Variants in SAMD5 observed in about 807,000 individuals in gnomAD.
The protein encoded by SAMD5 is sterile alpha motif domain containing 5.
In SAMD5, 13 loss-of-function variants were observed where a neutral mutation model predicts 11.3. That is an observed-to-expected ratio of 1.15 (90% CI 0.75 to 1.83). The LOEUF (loss-of-function observed/expected upper bound fraction) is 1.83. SAMD5 is among the 40% of genes most tolerant of loss of function. The pLI, the probability that SAMD5 is intolerant of heterozygous loss-of-function variation, is 0.00. For missense variants in SAMD5, 255 were observed against 239.1 expected (o/e 1.07, Z -0.44); for synonymous variants, 129 against 111.3 (o/e 1.16, Z -1.00).
At chr6:147,515,194 T>G (rs991980473) in intron 1 of SAMD5, among the ~76,000 whole-genome samples, 5 of 141,940 alleles carry the variant, frequency 3.5e-5, no homozygotes, top group Non-Finnish European at 6.1e-5. Context: ...TTTTTTTTTT[T>G]TTTTTTTTTT....
At chr6:147,688,417 T>C (rs1028637617) in intron 1 of SAMD5, among the ~76,000 whole-genome samples, 16 of 152,240 alleles carry the variant, frequency 1.1e-4, no homozygotes, top group Non-Finnish European at 1.8e-4. Flanking sequence ...AAAATAGGCA[T>C]ACTTTTATTT....
the SAMD5 span, among the ~76,000 whole-genome samples, chr6:147,814,736 C>G: frequency 6.6e-6 from 1 of 152,130 alleles, no homozygotes; most frequent in East Asian, 1.9e-4. Flanking sequence ...AATTTGCATG[C>G]CTAAAATGAT....
chr6:147,587,350 A>G (rs1026185769), intron 1 of SAMD5, among the ~76,000 whole-genome samples: 5 of 151,928 alleles, frequency 3.3e-5, no homozygotes, highest in African/African-American at 1.2e-4. Context: ...TGGTTCTCCT[A>G]TCTCAGCCTC....
intron 1 of SAMD5, among the ~76,000 whole-genome samples, chr6:147,540,780 G>T (rs1053265559): frequency 1.3e-5 from 2 of 151,828 alleles, no homozygotes; most frequent in African/African-American, 2.4e-5. Flanking sequence ...AGAGAGAGGG[G>T]GGGGGTCCAG....
At chr6:147,599,606 T>C (rs115140925) in intron 1 of SAMD5, among the ~76,000 whole-genome samples, 2,873 of 152,262 alleles carry the variant, frequency 0.019, 83 homozygotes, top group African/African-American at 0.066. Flanking sequence ...GTGGTCTCCT[T>C]TGAGGCCTCA....
At chr6:147,691,612 A>G (rs1317612677) in intron 1 of SAMD5, among the ~76,000 whole-genome samples, 2 of 152,218 alleles carry the variant, frequency 1.3e-5, no homozygotes, top group South Asian at 2.1e-4. Context: ...TCATTACTCA[A>G]TCTTGCAACT....
intron 1 of SAMD5, among the ~76,000 whole-genome samples, chr6:147,643,355 C>A (rs1387498225): frequency 2.0e-5 from 3 of 151,738 alleles, no homozygotes; most frequent in East Asian, 1.9e-4. Context: ...TAGATTTTTT[C>A]CCCTTAATTG....
At chr6:147,605,175 T>C (rs1397548064) in intron 1 of SAMD5, among the ~76,000 whole-genome samples, 1 of 152,166 alleles carries the variant, frequency 6.6e-6, no homozygotes, top group African/African-American at 2.4e-5. Context: ...CTGGAGTGCA[T>C]GATCATATCT....
intron 1 of SAMD5, among the ~76,000 whole-genome samples, chr6:147,563,387 A>G (rs1297640632): frequency 6.6e-6 from 1 of 152,248 alleles, no homozygotes; most frequent in African/African-American, 2.4e-5. Flanking sequence ...TTGCAGAGAT[A>G]GAGACTAGGA....
At chr6:147,732,791 A>G (rs1349801676) in intron 1 of SAMD5, among the ~76,000 whole-genome samples, 1 of 152,228 alleles carries the variant, frequency 6.6e-6, no homozygotes, top group East Asian at 1.9e-4. Context: ...GCCATTATCC[A>G]ACAGAATCAG....
At chr6:147,761,263 A>G in the SAMD5 span, among the ~76,000 whole-genome samples, 286 of 152,250 alleles carry the variant, frequency 1.9e-3, 2 homozygotes, top group African/African-American at 6.4e-3. Context: ...CAAGGCCTAC[A>G]AGCTACTATT....
intron 1 of SAMD5, among the ~76,000 whole-genome samples, chr6:147,610,105 A>C (rs571573609): frequency 1.3e-5 from 2 of 152,154 alleles, no homozygotes; most frequent in African/African-American, 4.8e-5. Flanking sequence ...CACTTATGAG[A>C]TACTTTCCAT....
intron 1 of SAMD5, among the ~76,000 whole-genome samples, chr6:147,615,941 A>G (rs1222898673): frequency 1.3e-5 from 2 of 152,062 alleles, no homozygotes; most frequent in Non-Finnish European, 2.9e-5. Context: ...GATAAAACAA[A>G]ATGCTGCAGA....
the SAMD5 span, among the ~76,000 whole-genome samples, chr6:147,820,304 A>C: frequency 6.6e-6 from 1 of 152,322 alleles, no homozygotes; most frequent in East Asian, 1.9e-4. Flanking sequence ...CCAAACGTTA[A>C]AAAGAATTTA....
the SAMD5 span, among the ~76,000 whole-genome samples, chr6:147,913,535 A>AAAG: frequency 3.9e-5 from 6 of 152,108 alleles, no homozygotes; most frequent in African/African-American, 1.4e-4. Context: ...GTCTCTACTA[A>AAAG]AAGTATGAAA....
At chr6:147,550,511 A>G (rs532613819) in intron 1 of SAMD5, among the ~76,000 whole-genome samples, 1 of 152,254 alleles carries the variant, frequency 6.6e-6, no homozygotes, top group Non-Finnish European at 1.5e-5. Flanking sequence ...CTAAGTATCC[A>G]TCAATGGATG....
At chr6:147,542,871 TTAAACTA>T (rs1276482202) in intron 1 of SAMD5, among the ~76,000 whole-genome samples, 17 of 152,206 alleles carry the variant, frequency 1.1e-4, no homozygotes, top group Non-Finnish European at 2.2e-4. Flanking sequence ...CTGTCTTTGT[TTAAACTA>T]TAAACTATAA....
the SAMD5 span, among the ~76,000 whole-genome samples, chr6:147,764,954 A>C: frequency 5.3e-5 from 8 of 152,006 alleles, no homozygotes; most frequent in East Asian, 3.9e-4. Context: ...GTTTTCACAG[A>C]ATAATAACAT....
chr6:147,683,387 A>T (rs986095528), intron 1 of SAMD5, among the ~76,000 whole-genome samples: 8 of 152,182 alleles, frequency 5.3e-5, no homozygotes, highest in African/African-American at 1.9e-4. Context: ...CTCTAAAGAG[A>T]TCTCTGTCTA....
Sources: allele counts gnomAD v4.1 joint callset (sites outside exome capture counted in the v4.1 genomes callset), GRCh38; gene constraint gnomAD v4.1.1; transcripts MANE v1.5; gene names NCBI Gene and HGNC (gene_info 2026-07-23, HGNC 2026-07-21).